The following SYNJ2 variants were observed in gnomAD, a reference collection of about 807,000 sequenced individuals.
SYNJ2 encodes the protein polyphosphatidylinositol phosphatase SYNJ2.
In SYNJ2, 116 loss-of-function variants were observed where a neutral mutation model predicts 141.3. That is an observed-to-expected ratio of 0.82 (90% CI 0.71 to 0.96). The LOEUF (loss-of-function observed/expected upper bound fraction) is 0.96, where lower values mean the gene tolerates loss of function less well. Ranked by LOEUF, SYNJ2 falls within the 40% of genes least tolerant of loss-of-function variation. SYNJ2 has a pLI of 0.00. For missense variants in SYNJ2, 1,873 were observed against 1,934.8 expected, an observed-to-expected ratio of 0.97 and a Z score of 0.60; for synonymous variants, 745 against 777.7, an observed-to-expected ratio of 0.96 and a Z score of 0.70.
At chr6:158,011,140 G>A (rs912858293) in intron 1 of SYNJ2, among the ~76,000 whole-genome samples, 2 of 152,168 alleles carry the variant, frequency 1.3e-5, no homozygotes, top group South Asian at 4.1e-4. Context: ...ACATAACAAC[G>A]AGGGGACATA....
chr6:158,000,936 C>T (rs1458894008), intron 1 of SYNJ2, among the ~76,000 whole-genome samples: 1 of 152,140 alleles, frequency 6.6e-6, no homozygotes, highest in Non-Finnish European at 1.5e-5. Context: ...TCCTTGACCA[C>T]ACCTCTCCAT....
Position 158,028,858 on chromosome 6 carries a change from C to T in SYNJ2, c.317C>T (p.Pro106Leu). The T allele has an allele frequency of 6.2e-7, 1 of 1,614,234 alleles. No homozygotes were observed. The highest frequency in any genetic ancestry group is 8.5e-7 in the Non-Finnish European group (1 of 1,180,036). Residue 106 changes from proline to leucine, a missense_variant, in exon 3 of 27, where the codon CCT becomes CTT. Coordinates refer to ENST00000355585, the MANE Select transcript of SYNJ2 (RefSeq NM_003898.4). ...AAAATCACTGCCACTGACTTTTACC[C>T]TCTTCAGGAAGAGGCCAAGGAGGAG... is the stretch of plus-strand genomic sequence containing the variant. ...IYKITATDFYPLQEEAKEEER... is the reference protein window; with the variant it reads ...IYKITATDFYLLQEEAKEEER...
intron 18 of SYNJ2, chr6:158,078,838 T>C (rs1160614850): frequency 6.8e-6 from 1 of 146,810 alleles, no homozygotes; most frequent in Non-Finnish European, 1.5e-5. Context: ...TTGCCCAGGC[T>C]GGATGGAGTA....
intron 5 of SYNJ2, among the ~76,000 whole-genome samples, chr6:158,050,690 T>C (rs189678183): frequency 5.8e-4 from 88 of 152,338 alleles, no homozygotes; most frequent in African/African-American, 2.1e-3. Context: ...CCACATTCCC[T>C]GAGTCCTCAC....
intron 6 of SYNJ2, among the ~76,000 whole-genome samples, chr6:158,056,724 G>A (rs546562933): frequency 7.9e-5 from 12 of 152,278 alleles, no homozygotes; most frequent in Non-Finnish European, 1.5e-4. Flanking sequence ...ACATCACTGC[G>A]CTCTCAAGAG....
At position 158,095,897 on chromosome 6, in the gene SYNJ2, G is replaced by T. The variant is rs371916779; in HGVS notation, c.4024G>T (p.Ala1342Ser). The stretch of plus-strand genomic sequence containing the variant: ...CCCGAGGAGGAAGAAGTCAGCCCCC[G>T]CAGCCTTCCACCTGCAGGTCCTGCA... ...VPPRRKKSAP[A>S]AFHLQVLQSN... Residue 1342 changes from alanine (A) to serine (S), a missense_variant, in exon 27 of 27, where the codon GCA (alanine) becomes TCA (serine). Transcript: ENST00000355585. 5.6e-6 allele frequency: 9 copies of T among 1,613,954 alleles called. No individual in the cohort carries two copies. Among genetic ancestry groups the T allele is most frequent in the Non-Finnish European group, 5.9e-6 (7 of 1,180,008 alleles).
intron 2 of SYNJ2, chr6:158,028,313 G>A (rs1300472855): frequency 5.4e-6 from 1 of 184,478 alleles, no homozygotes; most frequent in Admixed American, 5.4e-5. Flanking sequence ...CCAGGCCAGG[G>A]GTCCTGAGTC....
intron 5 of SYNJ2, among the ~76,000 whole-genome samples, chr6:158,044,134 A>G (rs1008280787): frequency 1.3e-5 from 2 of 152,206 alleles, no homozygotes; most frequent in Non-Finnish European, 1.5e-5. Flanking sequence ...CCTCTCGGCC[A>G]GGGCCTTTGT....
chr6:158,009,633 G>A (rs1302784430), intron 1 of SYNJ2, among the ~76,000 whole-genome samples: 1 of 152,212 alleles, frequency 6.6e-6, no homozygotes, highest in Non-Finnish European at 1.5e-5. Context: ...TACAGGAAAT[G>A]CAACTAAAAG....
intron 1 of SYNJ2, among the ~76,000 whole-genome samples, chr6:158,012,967 G>A (rs1213503098): frequency 2.0e-5 from 3 of 152,212 alleles, no homozygotes; most frequent in Non-Finnish European, 4.4e-5. Context: ...TCAAATTCAA[G>A]TGAGCATTGG....
intron 2 of SYNJ2, among the ~76,000 whole-genome samples, chr6:158,022,713 G>A (rs1426020761): frequency 6.6e-6 from 1 of 152,182 alleles, no homozygotes; most frequent in Non-Finnish European, 1.5e-5. Flanking sequence ...TGGTTTCAGG[G>A]CCCTGGTCTC....
At chr6:158,001,951 C>T (rs1032083314) in intron 1 of SYNJ2, among the ~76,000 whole-genome samples, 7 of 152,150 alleles carry the variant, frequency 4.6e-5, no homozygotes, top group Non-Finnish European at 7.3e-5. Context: ...TCCCATGTGA[C>T]GAGGTTGTCT....
rs774607739 is a variant in SYNJ2 at position 158,095,732 on chromosome 6, C to T, written c.3859C>T (p.Pro1287Ser). ...VVTAPRVPPV[P>S]KPRTFQPGKA... is the part of the protein sequence containing the mutation. ...GACAGCCCCTCGAGTCCCTCCTGTT[C>T]CCAAACCAAGAACATTTCAGCCTGG... is the stretch of plus-strand genomic sequence containing the variant. Residue 1287 changes from proline to serine, a missense_variant, in exon 27 of 27, where the codon CCC becomes TCC. Coordinates refer to ENST00000355585, the MANE Select transcript of SYNJ2 (RefSeq NM_003898.4). 1.2e-6 allele frequency: 2 copies of T among 1,614,066 alleles called. No homozygotes were observed. The highest frequency in any genetic ancestry group is 1.7e-6 in the Non-Finnish European group (2 of 1,180,044).
chr6:158,087,946 G>A (rs1783169745), intron 23 of SYNJ2, among the ~76,000 whole-genome samples: 1 of 135,790 alleles, frequency 7.4e-6, no homozygotes, highest in Non-Finnish European at 1.6e-5. Flanking sequence ...TATTTAATGG[G>A]TTATATTTTC....
At chr6:158,007,786 G>A (rs1778127790) in intron 1 of SYNJ2, among the ~76,000 whole-genome samples, 1 of 152,122 alleles carries the variant, frequency 6.6e-6, no homozygotes, top group African/African-American at 2.4e-5. Flanking sequence ...GGAGTTACAG[G>A]CATGCACCAC....
At chr6:158,046,918 G>A (rs937671964) in intron 5 of SYNJ2, among the ~76,000 whole-genome samples, 4 of 151,654 alleles carry the variant, frequency 2.6e-5, no homozygotes, top group South Asian at 2.1e-4. Flanking sequence ...GTATAGACAC[G>A]TGCCTTGCCA....
At chr6:157,981,732 G>C (rs1400179881), upstream of SYNJ2, among the ~76,000 whole-genome samples, 1 of 151,794 alleles carries the variant, frequency 6.6e-6, no homozygotes, top group South Asian at 2.1e-4. This position sits in a 1 kb window ranked among gnomAD's most constrained non-coding sequence, Gnocchi z 6.4. Context: ...CCGCTGGGGG[G>C]AGCGCGGGGC....
chr6:158,092,915 TTA>T lies in SYNJ2; in HGVS notation c.3566-9_3566-8del, dbSNP rs770119704. The T allele has an allele frequency of 1.1e-5, 17 of 1,577,188 alleles. No homozygotes were observed. Among genetic ancestry groups the T allele is most frequent in the Non-Finnish European group, 1.4e-5 (16 of 1,166,846 alleles). On this transcript the variant is annotated splice_polypyrimidine_tract_variant and intron_variant, in intron 25 of 26. Coordinates refer to ENST00000355585, the MANE Select transcript of SYNJ2 (RefSeq NM_003898.4). ...TCCTTTACACTTCAGCCATGTGGTT[TTA>T]TGTTTCAGGTGCCTCCGAAGAAGCC... is the stretch of plus-strand genomic sequence containing the variant.
intron 23 of SYNJ2, 59 bp from the exon 24 acceptor site, chr6:158,088,601 C>G: frequency 7.6e-7 from 1 of 1,323,346 alleles, no homozygotes; most frequent in Admixed American, 1.7e-5. Flanking sequence ...CTCCTGGCAG[C>G]TGGCTGGGAA....
Sources: allele counts gnomAD v4.1 joint callset (sites outside exome capture counted in the v4.1 genomes callset), GRCh38; gene constraint gnomAD v4.1.1; non-coding constraint Gnocchi (gnomAD v3.1); transcripts MANE v1.5; gene names NCBI Gene and HGNC (gene_info 2026-07-23, HGNC 2026-07-21).